The following ELP4 variants were observed in gnomAD, a reference collection of about 807,000 sequenced individuals.
The protein encoded by ELP4 is elongator acetyltransferase complex subunit 4.
Under a neutral mutation model 48.9 loss-of-function variants are expected in ELP4, and 51 were observed. The ratio of observed to expected loss-of-function variants is 1.04; its 90% CI spans 0.83 to 1.32. The LOEUF is 1.32. Ranked by LOEUF, ELP4 falls within the 40% of genes most tolerant of loss-of-function variation. The pLI is 0.00. For synonymous variants in ELP4, 210 were observed against 189.2 expected (o/e 1.11, Z -0.90); for missense variants, 519 against 514.6 (o/e 1.01, Z -0.08).
chr11:31,727,304 T>A (rs964466908), intron 9 of ELP4, among the ~76,000 whole-genome samples: 2 of 152,140 alleles, frequency 1.3e-5, no homozygotes, highest in Admixed American at 1.3e-4. Context: ...AGATATTAAT[T>A]ATTTTTTATA....
intron 7 of ELP4, among the ~76,000 whole-genome samples, chr11:31,635,792 A>T (rs1306384599): frequency 6.6e-6 from 1 of 152,166 alleles, no homozygotes; most frequent in East Asian, 1.9e-4. Context: ...GAGGATTTGA[A>T]CAGAGATCAG....
intron 3 of ELP4, among the ~76,000 whole-genome samples, chr11:31,557,028 T>A (rs1176918260): frequency 2.0e-5 from 3 of 151,876 alleles, no homozygotes; most frequent in African/African-American, 7.2e-5. Context: ...AATACTCACT[T>A]TGAAATAAAC....
intron 9 of ELP4, among the ~76,000 whole-genome samples, chr11:31,744,069 G>C (rs563155243): frequency 6.6e-6 from 1 of 152,024 alleles, no homozygotes; most frequent in Non-Finnish European, 1.5e-5. Context: ...TATCACCACC[G>C]ATCCCACAGA....
chr11:31,704,871 C>T (rs1283209348), intron 9 of ELP4, among the ~76,000 whole-genome samples: 1 of 151,638 alleles, frequency 6.6e-6, no homozygotes, highest in Admixed American at 6.6e-5. Context: ...GTTAGCCGGG[C>T]ATGGTGGTGC....
At chr11:31,627,378 G>A (rs1331577535) in intron 6 of ELP4, among the ~76,000 whole-genome samples, 184 bp downstream of exon 6, 3 of 151,918 alleles carry the variant, frequency 2.0e-5, no homozygotes, top group East Asian at 1.9e-4. Context: ...TGTGTATTTA[G>A]AGTTTCAGCT....
At chr11:31,589,079 G>C (rs1957527123) in intron 3 of ELP4, among the ~76,000 whole-genome samples, 1 of 152,152 alleles carries the variant, frequency 6.6e-6, no homozygotes, top group Admixed American at 6.5e-5. Context: ...AATAGGGATA[G>C]AGAAAGATTA....
chr11:31,626,858 G>A (rs1944755440), intron 5 of ELP4, among the ~76,000 whole-genome samples: 1 of 151,794 alleles, frequency 6.6e-6, no homozygotes, highest in African/African-American at 2.4e-5. Context: ...ACATAATTAA[G>A]TTATCTTAGT....
intron 9 of ELP4, among the ~76,000 whole-genome samples, chr11:31,700,226 T>A (rs180990280): frequency 8.8e-4 from 132 of 150,652 alleles, no homozygotes; most frequent in East Asian, 4.5e-3. Flanking sequence ...TCTATTTTTT[T>A]AAAAAAAAAG....
chr11:31,621,134 A>G (rs1345850962), intron 5 of ELP4, among the ~76,000 whole-genome samples: 1 of 151,948 alleles, frequency 6.6e-6, no homozygotes, highest in Non-Finnish European at 1.5e-5. Flanking sequence ...GAGACACTTG[A>G]TATTTTGCCT....
At chr11:31,586,924 G>A (rs1957485446) in intron 3 of ELP4, among the ~76,000 whole-genome samples, 1 of 152,140 alleles carries the variant, frequency 6.6e-6, no homozygotes, top group African/African-American at 2.4e-5. Flanking sequence ...ACAGGCGTGA[G>A]CCACGGCGAC....
chr11:31,540,254 TAAG>T (rs1365684949), intron 3 of ELP4, among the ~76,000 whole-genome samples: 1 of 152,210 alleles, frequency 6.6e-6, no homozygotes. Flanking sequence ...CTGTTACTCT[TAAG>T]AAGTCCTTAA....
At chr11:31,744,154 A>G (rs1192421398) in intron 9 of ELP4, among the ~76,000 whole-genome samples, 1 of 152,218 alleles carries the variant, frequency 6.6e-6, no homozygotes, top group Non-Finnish European at 1.5e-5. Context: ...GAAATGGATA[A>G]ATTCCTCAAC....
rs181701318 is a variant in ELP4 at position 31,657,422 on chromosome 11, T to G, written c.1143+7201T>G. ...TGTCCATTAGTTTATTTGTTTATTT[T>G]CCCAACCTCACCACTAAAATGTAAG... On this transcript the variant is annotated intron_variant, in intron 9 of 9. Coordinates refer to ENST00000640961, the MANE Select transcript of ELP4 (RefSeq NM_019040.5). Among the ~76,000 whole-genome samples, 320 of 152,110 alleles carry G rather than the reference T, an allele frequency of 2.1e-3. 1 individual carries two copies. The highest frequency in any genetic ancestry group is 7.4e-3 in the African/African-American group (306 of 41,534).
chr11:31,623,354 A>AATATATATAT (rs779632233), intron 5 of ELP4, among the ~76,000 whole-genome samples: 242 of 9,194 alleles, frequency 0.026, 1 homozygote, highest in Non-Finnish European at 0.065. Flanking sequence ...ATTTTCAGCA[A>AATATATATAT]ATATATATAT....
intron 5 of ELP4, among the ~76,000 whole-genome samples, chr11:31,624,317 A>G (rs1386665812): frequency 6.6e-6 from 1 of 151,778 alleles, no homozygotes; most frequent in Non-Finnish European, 1.5e-5. Flanking sequence ...CCTAGGCTCT[A>G]TAGTAGTCTC....
intron 9 of ELP4, among the ~76,000 whole-genome samples, chr11:31,682,467 CCCTGAG>C (rs1946073719): frequency 1.3e-5 from 2 of 152,310 alleles, no homozygotes; most frequent in Non-Finnish European, 2.9e-5. Context: ...CTCACCTGCT[CCCTGAG>C]CCTAGCCTAG....
At chr11:31,754,793 AC>A (rs1445082884) in intron 9 of ELP4, among the ~76,000 whole-genome samples, 1 of 152,046 alleles carries the variant, frequency 6.6e-6, no homozygotes, top group Non-Finnish European at 1.5e-5. Context: ...AATCGCTTGA[AC>A]CCAGGAGGCG....
intron 9 of ELP4, chr11:31,779,940 C>T (rs1948334536): frequency 6.6e-6 from 1 of 152,284 alleles, no homozygotes; most frequent in South Asian, 2.1e-4. Flanking sequence ...AATTTCAGCT[C>T]AAGAAGTAAG....
In ELP4 at chr11:31,632,401, T is replaced by C. The variant is rs780238590; in HGVS notation, c.923T>C (p.Ile308Thr). 1 of 1,605,200 alleles carries C rather than the reference T, an allele frequency of 6.2e-7. No individual in the cohort carries two copies. Among genetic ancestry groups the C allele is most frequent in the African/African-American group, 1.3e-5 (1 of 74,282 alleles). ...ATCATCACAATGCCAACACATCTGA[T>C]CCAGGTACGAAATTTCCAGAACTAC... is the stretch of plus-strand genomic sequence containing the variant. ...ACIITMPTHL[I>T]QNKAIIARVT... is the part of the protein sequence containing the mutation. Residue 308 changes from isoleucine to threonine, a missense_variant, in exon 7 of 10, where the codon ATC becomes ACC. Transcript: ENST00000640961.
Sources: allele counts gnomAD v4.1 joint callset (sites outside exome capture counted in the v4.1 genomes callset), GRCh38; gene constraint gnomAD v4.1.1; transcripts MANE v1.5; gene names NCBI Gene and HGNC (gene_info 2026-07-23, HGNC 2026-07-21).